WWOX: variants seen among roughly 807,000 people sequenced by gnomAD.
WWOX encodes WW domain containing oxidoreductase.
Under a neutral mutation model 46.2 loss-of-function variants are expected in WWOX, and 69 were observed. That is an observed-to-expected ratio of 1.49 (90% CI 1.23 to 1.82). WWOX has a LOEUF of 1.82. Among genes scored for constraint, WWOX ranks in the 40% most tolerant of loss-of-function variants. The probability of loss-of-function intolerance (pLI) is 0.00; values close to 1 mark genes in which losing one functional copy is unlikely to be tolerated. For synonymous variants in WWOX, 359 were observed against 202.6 expected, an observed-to-expected ratio of 1.77 and a Z score of -6.56; for missense variants, 919 against 542.6, an observed-to-expected ratio of 1.69 and a Z score of -6.89.
intron 5 of WWOX, among the ~76,000 whole-genome samples, chr16:78,320,217 G>C (rs1056040872): frequency 6.6e-6 from 1 of 152,176 alleles, no homozygotes; most frequent in African/African-American, 2.4e-5. Flanking sequence ...AGTATTCAAG[G>C]TACAGAACTG....
intron 8 of WWOX, among the ~76,000 whole-genome samples, chr16:78,920,745 A>T (rs13333820): frequency 1.3e-5 from 2 of 152,240 alleles, no homozygotes; most frequent in African/African-American, 4.8e-5. Context: ...TATCAGCACC[A>T]TTTCATCTGC....
At chr16:79,181,481 C>G (rs1243217386) in intron 8 of WWOX, among the ~76,000 whole-genome samples, 3 of 151,924 alleles carry the variant, frequency 2.0e-5, no homozygotes, top group East Asian at 3.9e-4. Flanking sequence ...GGTCAGGTGA[C>G]ATAATTTTGT....
At chr16:78,762,685 C>T (rs903040365) in intron 8 of WWOX, among the ~76,000 whole-genome samples, 3 of 152,142 alleles carry the variant, frequency 2.0e-5, no homozygotes, top group African/African-American at 4.8e-5. Context: ...GGCAGGAATC[C>T]ACTGTGGCTG....
At chr16:78,148,324 G>A (rs370570475) in intron 4 of WWOX, among the ~76,000 whole-genome samples, 3 of 152,158 alleles carry the variant, frequency 2.0e-5, no homozygotes, top group Non-Finnish European at 2.9e-5. Flanking sequence ...GCCTGTGTGT[G>A]TCATTGGTTA....
At chr16:79,123,376 G>C (rs1332625883) in intron 8 of WWOX, among the ~76,000 whole-genome samples, 1 of 152,174 alleles carries the variant, frequency 6.6e-6, no homozygotes, top group African/African-American at 2.4e-5. Flanking sequence ...AAATAATGCA[G>C]ATACATTCGT....
intron 5 of WWOX, among the ~76,000 whole-genome samples, chr16:78,293,865 G>T (rs1597451105): frequency 1.3e-5 from 2 of 150,914 alleles, no homozygotes; most frequent in Non-Finnish European, 2.9e-5. Flanking sequence ...AATCCCAGCT[G>T]CTCAGGAGGC....
At chr16:78,559,561 G>A (rs1597266143) in intron 8 of WWOX, among the ~76,000 whole-genome samples, 1 of 152,138 alleles carries the variant, frequency 6.6e-6, no homozygotes, top group South Asian at 2.1e-4. Flanking sequence ...TAAACGTGCT[G>A]GAAAAAAGAG....
At chr16:78,835,853 A>T (rs1054714494) in intron 8 of WWOX, among the ~76,000 whole-genome samples, 1 of 152,224 alleles carries the variant, frequency 6.6e-6, no homozygotes, top group East Asian at 1.9e-4. Context: ...TCAAATCTGA[A>T]TTCAACATAT....
intron 8 of WWOX, among the ~76,000 whole-genome samples, chr16:78,710,535 ATTTTATATAT>A (rs1250532930): frequency 1.6e-5 from 2 of 127,768 alleles, no homozygotes; most frequent in African/African-American, 5.7e-5. Flanking sequence ...AAATATTTAT[ATTTTATATAT>A]TTTTATATAT....
At chr16:78,306,713 A>T (rs2080140381) in intron 5 of WWOX, among the ~76,000 whole-genome samples, 1 of 151,338 alleles carries the variant, frequency 6.6e-6, no homozygotes, top group African/African-American at 2.4e-5. Context: ...TTCCCTGTGA[A>T]TTTTGCTCCT....
intron 8 of WWOX, among the ~76,000 whole-genome samples, chr16:78,759,555 C>G (rs575862483): frequency 1.2e-4 from 18 of 152,186 alleles, no homozygotes; most frequent in African/African-American, 2.4e-4. Flanking sequence ...AACCTAGGTA[C>G]TCATTGAATC....
rs866079927 is a variant in WWOX at position 79,011,090 on chromosome 16, C to G, written c.1057-200518C>G. Reference sequence around the variant, plus strand: ...ATACCTTTATATATGTGACATGTATCTTTACATATGATATGTATGGTTACA... The same window carrying G: ...ATACCTTTATATATGTGACATGTATGTTTACATATGATATGTATGGTTACA... On this transcript the variant is annotated intron_variant, in intron 8 of 8. Coordinates refer to ENST00000566780, the MANE Select transcript of WWOX (RefSeq NM_016373.4). 3.4e-4 allele frequency among the ~76,000 whole-genome samples: 52 copies of G among 151,148 alleles called. 1 individual carries two copies. Among genetic ancestry groups the G allele is most frequent in the African/African-American group, 1.0e-3 (42 of 41,102 alleles).
In WWOX at chr16:78,322,154, T is replaced by A. The variant is rs528921463; in HGVS notation, c.517-64706T>A. Among the ~76,000 whole-genome samples, 6 of 152,122 alleles carry A rather than the reference T, an allele frequency of 3.9e-5. No homozygotes were observed. In the South Asian group the frequency reaches 1.2e-3, roughly 32 times the overall value. ...CTTCTCACTTGCCCTGCCAGGGGGA[T>A]GGTTGGTGGGGGGAAGACAAGGACA... On this transcript the variant is annotated intron_variant, in intron 5 of 8. Coordinates refer to ENST00000566780, the MANE Select transcript of WWOX (RefSeq NM_016373.4).
At chr16:78,868,381 G>A (rs1006819702) in intron 8 of WWOX, among the ~76,000 whole-genome samples, 1 of 152,038 alleles carries the variant, frequency 6.6e-6, no homozygotes, top group Non-Finnish European at 1.5e-5. Context: ...GGGAGTGAGT[G>A]GAGGGGATTA....
intron 8 of WWOX, among the ~76,000 whole-genome samples, chr16:78,603,623 G>A (rs1038385938): frequency 1.3e-5 from 2 of 152,134 alleles, no homozygotes; most frequent in African/African-American, 4.8e-5. Context: ...GAACCCAGGA[G>A]GAGGAGGTTG....
chr16:78,201,829 A>G (rs375137685), intron 5 of WWOX, among the ~76,000 whole-genome samples: 20 of 152,068 alleles, frequency 1.3e-4, no homozygotes, highest in African/African-American at 2.7e-4. Flanking sequence ...CCCCCTGAGT[A>G]GCTGGGACTA....
chr16:78,652,063 C>G (rs955591376), intron 8 of WWOX, among the ~76,000 whole-genome samples: 10 of 152,044 alleles, frequency 6.6e-5, no homozygotes, highest in African/African-American at 2.4e-4. Flanking sequence ...TATGAGGCCT[C>G]ATGATAAGCC....
chr16:78,899,848 C>T (rs959141133), intron 8 of WWOX, among the ~76,000 whole-genome samples: 7 of 152,140 alleles, frequency 4.6e-5, no homozygotes, highest in Non-Finnish European at 1.0e-4. Flanking sequence ...TCCACTGGCT[C>T]CTAAGGTTCA....
At chr16:78,451,551 C>T (rs2083691503) in intron 8 of WWOX, among the ~76,000 whole-genome samples, 1 of 152,160 alleles carries the variant, frequency 6.6e-6, no homozygotes, top group African/African-American at 2.4e-5. Context: ...TTTTAGTGAC[C>T]TGCTGGCCAG....
Sources: allele counts gnomAD v4.1 joint callset (sites outside exome capture counted in the v4.1 genomes callset), GRCh38; gene constraint gnomAD v4.1.1; transcripts MANE v1.5; gene names NCBI Gene and HGNC (gene_info 2026-07-23, HGNC 2026-07-21).